MTUS2: variants seen among roughly 807,000 people sequenced by gnomAD.
MTUS2 encodes the protein microtubule-associated tumor suppressor candidate 2.
In MTUS2, 40 loss-of-function variants were observed where a neutral mutation model predicts 114.1. The ratio of observed to expected loss-of-function variants is 0.35; its 90% confidence interval spans 0.27 to 0.46. MTUS2 has a LOEUF of 0.46. MTUS2 is among the 20% of genes least tolerant of loss of function. The pLI, the probability that MTUS2 is intolerant of heterozygous loss-of-function variation, is 1.00. For missense variants in MTUS2, 1,679 were observed against 1,705.4 expected (o/e 0.98, Z 0.27); for synonymous variants, 688 against 672.0 (o/e 1.02, Z -0.37).
intron 2 of MTUS2, among the ~76,000 whole-genome samples, chr13:28,953,976 A>G (rs971349669): frequency 6.6e-6 from 1 of 152,248 alleles, no homozygotes; most frequent in Non-Finnish European, 1.5e-5. Context: ...AATAAAATCA[A>G]TGTGATAGAC....
intron 2 of MTUS2, among the ~76,000 whole-genome samples, chr13:28,916,015 T>C (rs1212710333): frequency 1.3e-5 from 2 of 151,972 alleles, no homozygotes; most frequent in Non-Finnish European, 1.5e-5. Flanking sequence ...CTCCTGTGTA[T>C]GGATATCCAG....
intron 7 of MTUS2, among the ~76,000 whole-genome samples, chr13:29,341,732 A>G (rs556820608): frequency 1.3e-5 from 2 of 152,226 alleles, no homozygotes; most frequent in East Asian, 3.9e-4. Context: ...CAGTGTCTAC[A>G]AGGGTTTTTC....
At chr13:29,392,153 A>G (rs1421855555) in intron 8 of MTUS2, among the ~76,000 whole-genome samples, 1 of 151,408 alleles carries the variant, frequency 6.6e-6, no homozygotes, top group Non-Finnish European at 1.5e-5. Context: ...AACCAAAAAA[A>G]AAAAAACCAA....
chr13:29,122,712 CTGTT>C (rs1172245372), intron 5 of MTUS2, among the ~76,000 whole-genome samples: 1 of 152,168 alleles, frequency 6.6e-6, no homozygotes, highest in East Asian at 1.9e-4. Context: ...CCACCTATGA[CTGTT>C]TGATTACCTT....
chr13:29,163,608 G>A (rs1296526507), intron 5 of MTUS2, among the ~76,000 whole-genome samples: 1 of 152,132 alleles, frequency 6.6e-6, no homozygotes, highest in Non-Finnish European at 1.5e-5. Flanking sequence ...ATCTATGAAT[G>A]GTTAGGTGGT....
intron 2 of MTUS2, among the ~76,000 whole-genome samples, chr13:28,920,856 C>G (rs146560387): frequency 2.6e-5 from 4 of 152,184 alleles, no homozygotes; most frequent in Non-Finnish European, 5.9e-5. Flanking sequence ...GGGAGTTTCT[C>G]TCAGGCCACC....
chr13:29,303,073 C>A (rs780042938), intron 6 of MTUS2, among the ~76,000 whole-genome samples: 5 of 152,158 alleles, frequency 3.3e-5, no homozygotes, highest in Non-Finnish European at 7.4e-5. Context: ...GTAGAATGGC[C>A]TGACTGATAA....
At chr13:29,292,094 C>T (rs1268112219) in intron 6 of MTUS2, among the ~76,000 whole-genome samples, 1 of 152,152 alleles carries the variant, frequency 6.6e-6, no homozygotes, top group East Asian at 1.9e-4. Context: ...AGTTAAATCC[C>T]AAATAATTGG....
intron 4 of MTUS2, among the ~76,000 whole-genome samples, chr13:29,048,188 A>G (rs1200227106): frequency 5.3e-5 from 8 of 152,148 alleles, no homozygotes; most frequent in Non-Finnish European, 8.8e-5. Context: ...CATCTCAAAC[A>G]TTGACATTTT....
In MTUS2 at chr13:29,503,136, C is replaced by T; in HGVS notation, c.4040C>T (p.Thr1347Ile). ...DPTSPIKLSP[T>I]SPVYRGSSSG... ...ACCAGTCCGATTAAACTCTCGCCCACATCTCCCGTTTACCGCGGCTCCTCC... is the reference window on the plus strand; with the variant it reads ...ACCAGTCCGATTAAACTCTCGCCCATATCTCCCGTTTACCGCGGCTCCTCC... Residue 1347 changes from threonine (T) to isoleucine (I), a missense_variant, in exon 16 of 16, where the codon ACA becomes ATA. By Grantham distance (89) the Thr-to-Ile change is moderately conservative. Transcript: ENST00000612955. 6.2e-7 allele frequency: 1 copy of T among 1,614,250 alleles called. No individual in the cohort carries two copies. Among genetic ancestry groups the T allele is most frequent in the Non-Finnish European group, 8.5e-7 (1 of 1,180,042 alleles).
intron 5 of MTUS2, among the ~76,000 whole-genome samples, chr13:29,222,183 T>C (rs967214852): frequency 1.3e-5 from 2 of 152,272 alleles, no homozygotes; most frequent in Admixed American, 6.5e-5. Flanking sequence ...TCTTTGCACA[T>C]GTCCGTGGTT....
chr13:28,829,468 G>A (rs969674207), intron 1 of MTUS2, among the ~76,000 whole-genome samples: 4 of 152,040 alleles, frequency 2.6e-5, no homozygotes, highest in African/African-American at 7.3e-5. Context: ...GGAGGTGGAG[G>A]TTGCAGTGAG....
chr13:28,984,922 A>G lies in MTUS2; in HGVS notation c.-242-39535A>G, dbSNP rs147382386. ...TCCTGTCAAATGAGTTATAAAAACA[A>G]CCTCACAGCTTTTAGATCTTTTGGC... On this transcript the variant is annotated intron_variant, in intron 2 of 15. Coordinates refer to ENST00000612955, the MANE Select transcript of MTUS2 (RefSeq NM_001033602.4). Among the ~76,000 whole-genome samples the G allele has an allele frequency of 3.0e-3, 453 of 152,354 alleles. 2 individuals carry two copies. Among genetic ancestry groups the G allele is most frequent in the Non-Finnish European group, 4.9e-3 (333 of 68,024 alleles).
At chr13:29,058,272 T>C (rs990763287) in intron 4 of MTUS2, among the ~76,000 whole-genome samples, 2 of 151,734 alleles carry the variant, frequency 1.3e-5, no homozygotes, top group African/African-American at 4.8e-5. Flanking sequence ...GGTCATCTTG[T>C]ATAGTGTCTT....
intron 5 of MTUS2, among the ~76,000 whole-genome samples, chr13:29,155,141 A>G (rs1410500055): frequency 6.6e-6 from 1 of 152,242 alleles, no homozygotes; most frequent in African/African-American, 2.4e-5. Flanking sequence ...AAGGTAAAAT[A>G]TAGTACCGTT....
At chr13:29,421,238 A>G (rs1210079190) in intron 8 of MTUS2, among the ~76,000 whole-genome samples, 1 of 152,146 alleles carries the variant, frequency 6.6e-6, no homozygotes, top group African/African-American at 2.4e-5. Flanking sequence ...TGTTTGGTAA[A>G]AGCTACGCAT....
At chr13:28,949,965 C>A (rs1019804669) in intron 2 of MTUS2, among the ~76,000 whole-genome samples, 1 of 152,326 alleles carries the variant, frequency 6.6e-6, no homozygotes, top group Admixed American at 6.5e-5. Context: ...AATATGTATC[C>A]AACCCAGAAG....
intron 2 of MTUS2, among the ~76,000 whole-genome samples, chr13:28,845,599 T>G (rs888006468): frequency 1.3e-5 from 2 of 152,084 alleles, no homozygotes; most frequent in African/African-American, 4.8e-5. Context: ...GTAATACTTA[T>G]TTAATGGAAG....
intron 9 of MTUS2, among the ~76,000 whole-genome samples, chr13:29,452,830 TAAGTCACCC>T (rs905416901): frequency 6.6e-6 from 1 of 152,132 alleles, no homozygotes; most frequent in African/African-American, 2.4e-5. Flanking sequence ...GGGCAACCCC[TAAGTCACCC>T]TGGGGACAAG....
Sources: gnomAD v4.1 joint callset for allele counts (sites outside exome capture counted in the v4.1 genomes callset) on GRCh38, gnomAD v4.1.1 for gene constraint, MANE v1.5 for transcripts, NCBI Gene and HGNC (gene_info 2026-07-23, HGNC 2026-07-21) for gene names.